The following KCNT2 variants were observed in gnomAD, a reference collection of about 807,000 sequenced individuals.
KCNT2 encodes potassium sodium-activated channel subfamily T member 2.
A neutral mutation model predicts 153.8 loss-of-function variants in KCNT2; 67 were observed. The ratio of observed to expected loss-of-function variants is 0.44; its 90% CI spans 0.36 to 0.53. The LOEUF is 0.53. Among genes scored for constraint, KCNT2 ranks in the 20% least tolerant of loss-of-function variants. KCNT2 has a pLI of 0.00. For missense variants in KCNT2, 975 were observed against 1,354.8 expected (o/e 0.72, Z 4.40); for synonymous variants, 500 against 458.8 (o/e 1.09, Z -1.15).
At chr1:196,237,669 T>C (rs1654565382) in intron 26 of KCNT2, among the ~76,000 whole-genome samples, 1 of 151,836 alleles carries the variant, frequency 6.6e-6, no homozygotes, top group East Asian at 1.9e-4. Flanking sequence ...GTATCCCAAA[T>C]ATTGCATGTG....
chr1:196,532,773 C>T (rs978658519), intron 1 of KCNT2, among the ~76,000 whole-genome samples: 2 of 151,962 alleles, frequency 1.3e-5, no homozygotes, highest in African/African-American at 4.8e-5. Context: ...TAATGTTCTA[C>T]TTTATTAATA....
chr1:196,292,328 A>G (rs1362063685), intron 22 of KCNT2, among the ~76,000 whole-genome samples: 1 of 152,192 alleles, frequency 6.6e-6, no homozygotes, highest in Non-Finnish European at 1.5e-5. Context: ...CCTCAACATA[A>G]TATACGCCAT....
At chr1:196,330,998 T>A (rs536820316) in intron 18 of KCNT2, among the ~76,000 whole-genome samples, 158 bp downstream of exon 18, 1 of 152,090 alleles carries the variant, frequency 6.6e-6, no homozygotes, top group Admixed American at 6.6e-5. Flanking sequence ...GTTAAAAATG[T>A]AAAACTGACC....
At chr1:196,475,633 G>A (rs1337084380) in intron 5 of KCNT2, among the ~76,000 whole-genome samples, 1 of 151,940 alleles carries the variant, frequency 6.6e-6, no homozygotes, top group African/African-American at 2.4e-5. Flanking sequence ...TAACTTGAAG[G>A]AAGGAGTATG....
chr1:196,339,748 TG>T (rs1558166086), intron 16 of KCNT2, among the ~76,000 whole-genome samples: 1 of 152,124 alleles, frequency 6.6e-6, no homozygotes, highest in Non-Finnish European at 1.5e-5. Context: ...GGTTTGTAGA[TG>T]GTTTGGAGGC....
At chr1:196,271,678 T>G (rs1473102211) in intron 25 of KCNT2, among the ~76,000 whole-genome samples, 1 of 151,890 alleles carries the variant, frequency 6.6e-6, no homozygotes, top group East Asian at 1.9e-4. Context: ...ACAGTTTTTG[T>G]TAGAGAGAAA....
chr1:196,600,432 T>C (rs1374738268), intron 1 of KCNT2, among the ~76,000 whole-genome samples: 2 of 152,224 alleles, frequency 1.3e-5, no homozygotes, highest in South Asian at 4.1e-4. Context: ...AAAGTTTTTG[T>C]TTTTATTACA....
At chr1:196,577,623 C>T (rs1295859182) in intron 1 of KCNT2, among the ~76,000 whole-genome samples, 1 of 152,140 alleles carries the variant, frequency 6.6e-6, no homozygotes, top group Non-Finnish European at 1.5e-5. Context: ...TGGTGCCTGG[C>T]CCTAACACAA....
chr1:196,476,399 T>C (rs576346479), intron 5 of KCNT2, among the ~76,000 whole-genome samples: 13 of 152,308 alleles, frequency 8.5e-5, no homozygotes, highest in African/African-American at 2.9e-4. Context: ...TGTTTTATTT[T>C]TCTAGTTACC....
At chr1:196,292,546 C>G (rs1660279995) in intron 22 of KCNT2, among the ~76,000 whole-genome samples, 4 of 152,188 alleles carry the variant, frequency 2.6e-5, no homozygotes, top group Non-Finnish European at 5.9e-5. Flanking sequence ...GTGGCTCACG[C>G]CTGTAATCCC....
At chr1:196,316,605 C>G (rs1031797857) in intron 20 of KCNT2, among the ~76,000 whole-genome samples, 2 of 151,644 alleles carry the variant, frequency 1.3e-5, no homozygotes, top group Admixed American at 6.6e-5. Context: ...GTATGCAAGC[C>G]TACTGTTTAG....
chr1:196,232,260 T>C (rs1654021446), intron 27 of KCNT2, among the ~76,000 whole-genome samples: 2 of 151,748 alleles, frequency 1.3e-5, no homozygotes, highest in Admixed American at 6.6e-5. Context: ...TACCATATCA[T>C]CTAGTGATTT....
At chr1:196,592,579 T>C (rs1307039910) in intron 1 of KCNT2, among the ~76,000 whole-genome samples, 1 of 147,478 alleles carries the variant, frequency 6.8e-6, no homozygotes, top group Non-Finnish European at 1.5e-5. Flanking sequence ...TATAGTTTTA[T>C]ATAGTTAGAA....
chr1:196,362,490 C>T (rs192203001), intron 14 of KCNT2, among the ~76,000 whole-genome samples: 15 of 152,178 alleles, frequency 9.9e-5, no homozygotes, highest in Admixed American at 6.6e-4. Flanking sequence ...AGGCTTCTGT[C>T]TGGTGTAGTT....
intron 13 of KCNT2, among the ~76,000 whole-genome samples, chr1:196,383,481 C>T (rs999267962): frequency 2.0e-5 from 3 of 152,086 alleles, no homozygotes; most frequent in Non-Finnish European, 4.4e-5. Flanking sequence ...GTCTTTGGAC[C>T]ACACTTTGAA....
chr1:196,543,428 G>A (rs1239461136), intron 1 of KCNT2, among the ~76,000 whole-genome samples: 3 of 151,990 alleles, frequency 2.0e-5, no homozygotes, highest in Non-Finnish European at 4.4e-5. Flanking sequence ...TTGTCAGAGT[G>A]GGTAGCAATA....
intron 16 of KCNT2, among the ~76,000 whole-genome samples, chr1:196,338,737 T>C (rs1306611590): frequency 6.6e-6 from 1 of 151,878 alleles, no homozygotes; most frequent in Non-Finnish European, 1.5e-5. Context: ...GACAAGGTTG[T>C]TGATCCTGCA....
intron 13 of KCNT2, among the ~76,000 whole-genome samples, chr1:196,393,739 C>T (rs879311552): frequency 3.3e-5 from 5 of 151,340 alleles, no homozygotes; most frequent in Non-Finnish European, 5.9e-5. Context: ...GCCCTTTAAT[C>T]GTGGTTTGCA....
chr1:196,587,502 C>A lies in KCNT2; in HGVS notation c.95+20713G>T, dbSNP rs148642644. The stretch of plus-strand genomic sequence containing the variant: ...TTAATTGCTACCATAATAATCATAC[C>A]AGAATTCACAAGATATTATCATTTA... On this transcript the variant is annotated intron_variant, in intron 1 of 27. Coordinates refer to ENST00000294725, the MANE Select transcript of KCNT2 (RefSeq NM_198503.5). Among the ~76,000 whole-genome samples the A allele has an allele frequency of 4.9e-3, 739 of 152,070 alleles. 3 individuals are homozygous for A. The highest frequency in any genetic ancestry group is 0.016 in the African/African-American group (675 of 41,512).
Sources: allele counts gnomAD v4.1 joint callset (sites outside exome capture counted in the v4.1 genomes callset), GRCh38; gene constraint gnomAD v4.1.1; transcripts MANE v1.5; gene names NCBI Gene and HGNC (gene_info 2026-07-23, HGNC 2026-07-21).